The following ASTN1 variants were observed in gnomAD, a reference collection of about 807,000 sequenced individuals.
ASTN1 encodes astrotactin 1.
A neutral mutation model predicts 140.7 loss-of-function variants in ASTN1; 41 were observed. The observed-to-expected ratio is 0.29, with a 90% confidence interval of 0.23 to 0.38. ASTN1 has a LOEUF of 0.38. Ranked by LOEUF, ASTN1 falls within the 10% of genes least tolerant of loss-of-function variation. The probability of loss-of-function intolerance (pLI) is 1.00; values close to 1 mark genes in which losing one functional copy is unlikely to be tolerated. For synonymous variants in ASTN1, 640 were observed against 652.2 expected (o/e 0.98, Z 0.29); for missense variants, 1,479 against 1,678.8 (o/e 0.88, Z 2.08).
At chr1:176,878,778 A>G (rs1239954135) in intron 20 of ASTN1, among the ~76,000 whole-genome samples, 2 of 152,080 alleles carry the variant, frequency 1.3e-5, no homozygotes, top group African/African-American at 2.4e-5. Flanking sequence ...ACTTGTACCT[A>G]GTAGTCTGGG....
intron 1 of ASTN1, among the ~76,000 whole-genome samples, chr1:177,108,455 C>T (rs960571128): frequency 1.3e-5 from 2 of 151,662 alleles, no homozygotes; most frequent in African/African-American, 4.8e-5. Context: ...TCATACAGTA[C>T]TTCTCCTTTG....
At chr1:177,081,340 T>C (rs1157939238) in intron 1 of ASTN1, among the ~76,000 whole-genome samples, 1 of 152,122 alleles carries the variant, frequency 6.6e-6, no homozygotes, top group Non-Finnish European at 1.5e-5. Context: ...ATTACAAATA[T>C]GAATGAGCTT....
At chr1:176,898,959 G>A (rs904711059) in intron 16 of ASTN1, among the ~76,000 whole-genome samples, 2 of 152,114 alleles carry the variant, frequency 1.3e-5, no homozygotes, top group Non-Finnish European at 2.9e-5. Flanking sequence ...ATTGACAAAG[G>A]TGCCTTTTGA....
chr1:176,944,278 G>A (rs1022261764), intron 13 of ASTN1, among the ~76,000 whole-genome samples: 5 of 151,874 alleles, frequency 3.3e-5, no homozygotes, highest in Non-Finnish European at 7.4e-5. Flanking sequence ...TATTTTTGTT[G>A]GGACATTGTC....
intron 8 of ASTN1, among the ~76,000 whole-genome samples, chr1:176,978,801 G>A (rs1673478076): frequency 6.6e-6 from 1 of 152,148 alleles, no homozygotes; most frequent in South Asian, 2.1e-4. Context: ...AAAGGACACA[G>A]AAACAGAAGA....
intron 1 of ASTN1, among the ~76,000 whole-genome samples, chr1:177,124,007 G>A (rs1054769402): frequency 2.0e-5 from 3 of 152,226 alleles, no homozygotes; most frequent in African/African-American, 4.8e-5. Flanking sequence ...TGTTCTCTCT[G>A]ATGGAGCCGT....
At chr1:176,888,476 G>T (rs527268342) in intron 17 of ASTN1, among the ~76,000 whole-genome samples, 1 of 151,952 alleles carries the variant, frequency 6.6e-6, no homozygotes, top group Non-Finnish European at 1.5e-5. Flanking sequence ...GTCATATTCC[G>T]CCCTCCATCT....
chr1:176,927,273 T>C (rs1249594011), intron 16 of ASTN1, among the ~76,000 whole-genome samples: 10 of 151,794 alleles, frequency 6.6e-5, no homozygotes, highest in Non-Finnish European at 1.3e-4. Flanking sequence ...GAATGTGCAG[T>C]GGAAAGGAAG....
At chr1:177,129,192 G>A (rs1457676002) in intron 1 of ASTN1, among the ~76,000 whole-genome samples, 6 of 152,144 alleles carry the variant, frequency 3.9e-5, no homozygotes, top group Admixed American at 2.6e-4. Flanking sequence ...TTCCCAGTAG[G>A]CATATGTAAG....
At chr1:177,117,078 C>A (rs930327356) in intron 1 of ASTN1, among the ~76,000 whole-genome samples, 3 of 152,142 alleles carry the variant, frequency 2.0e-5, no homozygotes, top group Non-Finnish European at 4.4e-5. Flanking sequence ...AAGATTCAGC[C>A]AGTCTAGAAG....
intron 17 of ASTN1, among the ~76,000 whole-genome samples, chr1:176,888,618 G>A (rs1669140737): frequency 6.6e-6 from 1 of 152,136 alleles, no homozygotes; most frequent in African/African-American, 2.4e-5. Context: ...GCTTCTCTGT[G>A]CATCCTTATC....
chr1:177,118,391 T>C (rs1363018252), intron 1 of ASTN1, among the ~76,000 whole-genome samples: 1 of 152,194 alleles, frequency 6.6e-6, no homozygotes, highest in Non-Finnish European at 1.5e-5. Flanking sequence ...GCATTGATCC[T>C]AGGGGGGCTG....
At chr1:176,913,274 C>T (rs1179992656) in intron 16 of ASTN1, among the ~76,000 whole-genome samples, 1 of 152,150 alleles carries the variant, frequency 6.6e-6, no homozygotes, top group Non-Finnish European at 1.5e-5. Flanking sequence ...TTCTTTGGTC[C>T]TCTTCTTTCT....
intron 1 of ASTN1, among the ~76,000 whole-genome samples, chr1:177,148,417 C>CAAA: frequency 1.1e-5 from 1 of 91,404 alleles, no homozygotes; most frequent in Non-Finnish European, 2.2e-5. Flanking sequence ...GACTCCGTCT[C>CAAA]AAAAAAAAAA....
chr1:177,161,589 CAA>C (rs1647374248), intron 1 of ASTN1, among the ~76,000 whole-genome samples: 1 of 152,150 alleles, frequency 6.6e-6, no homozygotes, highest in Non-Finnish European at 1.5e-5. Context: ...GCTACATGTG[CAA>C]AGTCTTGAAA....
intron 1 of ASTN1, among the ~76,000 whole-genome samples, chr1:177,074,181 G>A (rs1678781318): frequency 6.6e-6 from 1 of 152,058 alleles, no homozygotes; most frequent in Non-Finnish European, 1.5e-5. Flanking sequence ...TTACCTGTGA[G>A]GGCATTACCT....
intron 1 of ASTN1, among the ~76,000 whole-genome samples, chr1:177,145,535 C>A (rs372912178): frequency 6.6e-6 from 1 of 152,216 alleles, no homozygotes; most frequent in African/African-American, 2.4e-5. Flanking sequence ...GGCAGCAAAT[C>A]TAATTAGAAG....
chr1:176,936,220 C>G, intron 15 of ASTN1, 46 bp downstream of exon 15: 1 of 1,554,558 alleles, frequency 6.4e-7, no homozygotes, highest in East Asian at 2.2e-5. Flanking sequence ...GAAAGGACTT[C>G]TAAGTTCCAG....
intron 9 of ASTN1, among the ~76,000 whole-genome samples, chr1:176,964,112 T>C (rs568039394): frequency 2.6e-5 from 4 of 152,280 alleles, no homozygotes; most frequent in African/African-American, 9.6e-5. Context: ...GAGTGAGCTC[T>C]AGGAGGCAAA....
Sources: allele counts gnomAD v4.1 joint callset (sites outside exome capture counted in the v4.1 genomes callset), GRCh38; gene constraint gnomAD v4.1.1; transcripts MANE v1.5; gene names NCBI Gene and HGNC (gene_info 2026-07-23, HGNC 2026-07-21).